Variants in ZRSR2 observed in about 807,000 individuals in gnomAD.
The protein encoded by ZRSR2 is U2 small nuclear ribonucleoprotein auxiliary factor 35 kDa subunit-related protein 2.
In ZRSR2, 3 loss-of-function variants were observed where a neutral mutation model predicts 39.4. The ratio of observed to expected loss-of-function variants is 0.08; its 90% confidence interval spans 0.03 to 0.20. The LOEUF is 0.20. Among genes scored for constraint, ZRSR2 ranks in the 10% least tolerant of loss-of-function variants. The pLI, the probability that ZRSR2 is intolerant of heterozygous loss-of-function variation, is 1.00. For missense variants in ZRSR2, 256 were observed against 391.5 expected, an observed-to-expected ratio of 0.65 and a Z score of 2.92; for synonymous variants, 137 against 136.0, an observed-to-expected ratio of 1.01 and a Z score of -0.05.
rs1289748323 is a variant in ZRSR2, at chrX:15,797,648, A to AT, written c.122-2214dup. 6.5e-3 allele frequency among the ~76,000 whole-genome samples: 698 copies of AT among 106,695 alleles called. 3 individuals are homozygous for AT. The highest frequency in any genetic ancestry group is 7.1e-3 in the Non-Finnish European group (365 of 51,389). 92.7% of individuals were successfully genotyped at this position (106,695 alleles called of 115,157 possible). Reference sequence around the variant, plus strand: ...TGTTTCTAGGCCATGCCACTTACCTATTTTTTTTTTCAAATTGTTGCAAAT... The same window carrying AT: ...TGTTTCTAGGCCATGCCACTTACCTATTTTTTTTTTTCAAATTGTTGCAAAT... On this transcript the variant is annotated intron_variant, in intron 2 of 10. Transcript: ENST00000307771.
chrX:15,822,581 C>T, intron 10 of ZRSR2, 150 bp from the exon 11 acceptor site: 1 of 1,028,288 alleles, frequency 9.7e-7, no homozygotes, highest in Non-Finnish European at 1.3e-6. Context: ...CAAATTATGA[C>T]ATCAATTTAT....
chrX:15,815,532 C>G, intron 7 of ZRSR2, 145 bp from the exon 8 acceptor site: 2 of 470,291 alleles, frequency 4.3e-6, no homozygotes, highest in Admixed American at 3.4e-5. Context: ...GTCTCGAACT[C>G]TGGACCTCAG....
intron 2 of ZRSR2, among the ~76,000 whole-genome samples, chrX:15,794,906 G>C (rs1932398328): frequency 1.8e-5 from 2 of 111,700 alleles, no homozygotes; most frequent in Admixed American, 9.5e-5. Context: ...CTGCCAGATT[G>C]TCTAGTGTCA....
chrX:15,796,671 T>C (rs1347343595), intron 2 of ZRSR2, among the ~76,000 whole-genome samples: 1 of 111,164 alleles, frequency 9.0e-6, no homozygotes, highest in Non-Finnish European at 1.9e-5. Context: ...AAAAAAGTTG[T>C]CAATGATTAT....
chrX:15,805,776 A>G (rs768909740), intron 5 of ZRSR2, among the ~76,000 whole-genome samples: 2 of 110,195 alleles, frequency 1.8e-5, no homozygotes, highest in African/African-American at 6.6e-5. Flanking sequence ...CTAAAAATAC[A>G]AAAAATTAGC....
intron 2 of ZRSR2, among the ~76,000 whole-genome samples, chrX:15,791,620 C>T (rs1430729510): frequency 9.2e-6 from 1 of 108,325 alleles, no homozygotes; most frequent in Non-Finnish European, 1.9e-5. Flanking sequence ...CAGGCATTCA[C>T]CACCACACCT....
chrX:15,800,024 A>T, intron 3 of ZRSR2, 71 bp downstream of exon 3: 1 of 732,486 alleles, frequency 1.4e-6, no homozygotes, highest in Non-Finnish European at 2.0e-6. Context: ...TTTACTAACC[A>T]GTACCAGTCT....
At chrX:15,799,450 C>T (rs988112296) in intron 2 of ZRSR2, among the ~76,000 whole-genome samples, 6 of 105,759 alleles carry the variant, frequency 5.7e-5, no homozygotes, top group African/African-American at 2.1e-4. Flanking sequence ...ACACCCCCAC[C>T]ACCTTTTTTT....
intron 7 of ZRSR2, among the ~76,000 whole-genome samples, chrX:15,809,826 A>C (rs755494585): frequency 4.5e-5 from 5 of 112,000 alleles, no homozygotes; most frequent in South Asian, 7.4e-4. Context: ...GAAAAAAAAA[A>C]ACAAAACTTG....
intron 5 of ZRSR2, 67 bp from the exon 6 acceptor site, chrX:15,808,166 C>A: frequency 1.0e-6 from 1 of 978,448 alleles, no homozygotes; most frequent in Non-Finnish European, 1.5e-6. Context: ...GATTCTTAAC[C>A]AGAGAAACCA....
At chrX:15,815,558 C>A in intron 7 of ZRSR2, 119 bp from the exon 8 acceptor site, 1 of 579,949 alleles carries the variant, frequency 1.7e-6, no homozygotes, top group Non-Finnish European at 2.7e-6. Context: ...TCACCCGCCT[C>A]GGCCTCCCAA....
intron 7 of ZRSR2, among the ~76,000 whole-genome samples, chrX:15,810,005 C>A (rs1411051146): frequency 9.0e-6 from 1 of 111,609 alleles, no homozygotes; most frequent in Non-Finnish European, 1.9e-5. Context: ...TGTGTGCCTT[C>A]GTTCTCTCAT....
intron 10 of ZRSR2, 137 bp downstream of exon 10, chrX:15,820,453 A>C: frequency 1.9e-6 from 1 of 524,858 alleles, no homozygotes; most frequent in Non-Finnish European, 3.2e-6. Context: ...AGAGAACTTT[A>C]TATAAAGAAC....
chrX:15,815,988 GC>G (rs1464645521), intron 8 of ZRSR2, 98 bp downstream of exon 8: 7 of 658,857 alleles, frequency 1.1e-5, no homozygotes, highest in African/African-American at 2.2e-5. Context: ...GGTCAGGCAC[GC>G]TAGCACTCTA....
At chrX:15,793,357 C>T (rs1293049145) in intron 2 of ZRSR2, among the ~76,000 whole-genome samples, 2 of 110,498 alleles carry the variant, frequency 1.8e-5, no homozygotes, top group Non-Finnish European at 3.8e-5. Context: ...CGAGTCATGT[C>T]CCATGGTAGT....
intron 3 of ZRSR2, among the ~76,000 whole-genome samples, chrX:15,802,783 A>AT (rs1290972218): frequency 9.0e-6 from 1 of 111,207 alleles, no homozygotes; most frequent in Non-Finnish European, 1.9e-5. Context: ...TTATAACTCC[A>AT]TTTCTTAAAA....
chrX:15,790,656 C>T (rs1180978711), intron 1 of ZRSR2, 120 bp downstream of exon 1: 5 of 993,523 alleles, frequency 5.0e-6, no homozygotes, highest in Non-Finnish European at 4.1e-6. Flanking sequence ...CAGCTCCATT[C>T]CTTCCTGGTG....
rs1211008814 is a variant in ZRSR2, at chrX:15,808,025, G to A, written c.400-208G>A. On this transcript the variant is annotated intron_variant, in intron 5 of 10. Coordinates refer to ENST00000307771, the MANE Select transcript of ZRSR2 (RefSeq NM_005089.4). Reference sequence around the variant, plus strand: ...ACTGCACTCCAGCCTGGGTGACAGAGTGAGACCCTGTCTCAAAAAAAAAAG... The same window carrying A: ...ACTGCACTCCAGCCTGGGTGACAGAATGAGACCCTGTCTCAAAAAAAAAAG... Among the ~76,000 whole-genome samples the A allele has an allele frequency of 4.4e-5, 4 of 90,213 alleles. No homozygotes were observed. In the Admixed American group the frequency reaches 5.0e-4, roughly 11 times the overall value. 78.3% of individuals were successfully genotyped at this position (90,213 alleles called of 115,157 possible).
chrX:15,822,629 T>A, intron 10 of ZRSR2, 102 bp from the exon 11 acceptor site: 2 of 1,173,854 alleles, frequency 1.7e-6, no homozygotes, highest in Non-Finnish European at 2.3e-6. Context: ...AGAAAATAGT[T>A]CTAGCATATC....
Sources: gnomAD v4.1 joint callset for allele counts (sites outside exome capture counted in the v4.1 genomes callset) on GRCh38, gnomAD v4.1.1 for gene constraint, MANE v1.5 for transcripts, NCBI Gene and HGNC (gene_info 2026-07-23, HGNC 2026-07-21) for gene names.